Variants in AMPD1 observed in about 807,000 individuals in gnomAD.
AMPD1 encodes the protein AMP deaminase 1.
AMPD1 carries 74 observed loss-of-function variants against 82.9 expected under a neutral mutation model. The observed-to-expected ratio is 0.89, with a 90% confidence interval of 0.74 to 1.08. The LOEUF (loss-of-function observed/expected upper bound fraction) is 1.08. Ranked by LOEUF, AMPD1 falls within the 50% of genes least tolerant of loss-of-function variation. The pLI, the probability that AMPD1 is intolerant of heterozygous loss-of-function variation, is 0.00. For missense variants in AMPD1, 881 were observed against 924.5 expected (o/e 0.95, Z 0.61); for synonymous variants, 333 against 320.5 (o/e 1.04, Z -0.42).
intron 10 of AMPD1, among the ~76,000 whole-genome samples, chr1:114,676,832 C>T (rs116050043): frequency 2.0e-5 from 3 of 152,204 alleles, no homozygotes; most frequent in African/African-American, 7.2e-5. Flanking sequence ...AAAGAGAAGC[C>T]ATCCCTGAAG....
chr1:114,683,000 A>G (rs1455148604), intron 5 of AMPD1: 3 of 277,678 alleles, frequency 1.1e-5, no homozygotes, highest in African/African-American at 4.6e-5. Context: ...TTTAGAAACA[A>G]GTTTTAAAAA....
At chr1:114,676,425 T>A (rs1307143076) in intron 10 of AMPD1, among the ~76,000 whole-genome samples, 2 of 152,236 alleles carry the variant, frequency 1.3e-5, no homozygotes, top group East Asian at 3.8e-4. Flanking sequence ...CAAGCACTCT[T>A]CTAAGTGACC....
At chr1:114,676,597 G>A (rs1162713750) in intron 10 of AMPD1, among the ~76,000 whole-genome samples, 1 of 152,142 alleles carries the variant, frequency 6.6e-6, no homozygotes, top group Non-Finnish European at 1.5e-5. Flanking sequence ...GTATTGCCAG[G>A]ATTCAAGTAT....
intron 5 of AMPD1, chr1:114,683,203 G>T: frequency 2.4e-6 from 1 of 413,156 alleles, no homozygotes; most frequent in Non-Finnish European, 4.7e-6. Context: ...CATCTATCCA[G>T]AAGGCAAGAA....
Position 114,675,593 on chromosome 1 carries a change from G to A in AMPD1, c.1616C>T (p.Pro539Leu). The change falls in exon 12 of 16, where the codon CCA becomes CTA. Residue 539 changes from proline (P) to leucine (L), a missense_variant. Transcript: ENST00000520113. The stretch of plus-strand genomic sequence containing the variant: ...GTAGTAGGCATAGTAAGTGTAAGAT[G>A]GATTCTTTTCCAATGTCCACTCCTG... ...KPQEWTLEKNPSYTYYAYYMY... is the reference protein window; with the variant it reads ...KPQEWTLEKNLSYTYYAYYMY... 6.2e-7 allele frequency: 1 copy of A among 1,614,188 alleles called. No individual in the cohort carries two copies. Among genetic ancestry groups the A allele is most frequent in the East Asian group, 2.2e-5 (1 of 44,888 alleles).
chr1:114,678,933 A>G (rs1013301421), intron 7 of AMPD1, among the ~76,000 whole-genome samples: 2 of 152,216 alleles, frequency 1.3e-5, no homozygotes, highest in Admixed American at 1.3e-4. Flanking sequence ...TGAGGTAGAT[A>G]TTCTTATAAC....
intron 4 of AMPD1, 167 bp from the exon 5 acceptor site, chr1:114,684,531 T>C (rs566436814): frequency 7.1e-6 from 5 of 708,756 alleles, no homozygotes; most frequent in African/African-American, 1.8e-5. Context: ...TGGATCTCCC[T>C]CCCAGAGCAG....
intron 10 of AMPD1, 68 bp from the exon 11 acceptor site, chr1:114,676,071 G>A: frequency 6.4e-7 from 1 of 1,552,356 alleles, no homozygotes; most frequent in Non-Finnish European, 8.9e-7. Context: ...CCAGTATGAG[G>A]GAACCAGAGA....
At chr1:114,680,582 C>T (rs370298655) in intron 5 of AMPD1, 104 bp from the exon 6 acceptor site, 27 of 960,466 alleles carry the variant, frequency 2.8e-5, no homozygotes, top group Middle Eastern at 2.6e-4. Flanking sequence ...GCTTGGAATC[C>T]GGTACTTAAG....
rs1017107552 is a variant in AMPD1, at chr1:114,688,590, C to T, written c.186G>A (p.Glu62=). The T allele has an allele frequency of 1.2e-6, 2 of 1,614,190 alleles. No homozygotes were observed. Among genetic ancestry groups the T allele is most frequent in the Non-Finnish European group, 1.7e-6 (2 of 1,180,042 alleles). Residue 62 remains glutamate, a synonymous_variant, in exon 3 of 16, where the codon GAG becomes GAA. Transcript: ENST00000520113. ...HEMQAHIFHL[E]TLSTSTEARR... is the part of the protein sequence containing the mutation. ...TGGCTTCTGTGGAGGTGGACAGAGT[C>T]TCCAGATGGAATATGTGTGCTTGCA... is the stretch of plus-strand genomic sequence containing the variant.
Position 114,677,990 on chromosome 1 carries a change from C to T in AMPD1, c.1144G>A (p.Val382Ile). ...AGGTCCCGTAGCTCACTTGCTCCTA[C>T]AGGATTATATTTGTCATTGAACTTA... ...FDKFNDKYNP[V>I]GASELRDLYL... The change falls in exon 9 of 16, where the codon GTA (valine) becomes ATA (isoleucine). Residue 382 changes from valine (V) to isoleucine (I), a missense_variant. Coordinates refer to ENST00000520113, the MANE Select transcript of AMPD1 (RefSeq NM_000036.3). 1 of 1,613,966 alleles carries T rather than the reference C, an allele frequency of 6.2e-7. No individual in the cohort carries two copies. Among genetic ancestry groups the T allele is most frequent in the South Asian group, 1.1e-5 (1 of 91,074 alleles).
intron 5 of AMPD1, among the ~76,000 whole-genome samples, chr1:114,682,628 G>C (rs550675442): frequency 6.6e-6 from 1 of 151,542 alleles, no homozygotes; most frequent in East Asian, 1.9e-4. Context: ...GCCCAGGCTG[G>C]AGTGCAGTGG....
chr1:114,689,793 G>A (rs1305320212), intron 2 of AMPD1, among the ~76,000 whole-genome samples: 1 of 152,062 alleles, frequency 6.6e-6, no homozygotes, highest in African/African-American at 2.4e-5. Flanking sequence ...CTCCAGCCTG[G>A]GTGACAGAGC....
At position 114,688,748 on chromosome 1, in the gene AMPD1, G is replaced by A; in HGVS notation, c.35-7C>T. The A allele has an allele frequency of 6.2e-7, 1 of 1,612,724 alleles. No homozygotes were observed. Among genetic ancestry groups the A allele is most frequent in the South Asian group, 1.1e-5 (1 of 91,088 alleles). On this transcript the variant is annotated splice_region_variant and splice_polypyrimidine_tract_variant and intron_variant, in intron 2 of 15. Coordinates refer to ENST00000520113, the MANE Select transcript of AMPD1 (RefSeq NM_000036.3). Reference sequence around the variant, plus strand: ...CGCATTGCATCATCAATTTCTAAAAGAGGTTTTCACATATTAGTGTTCAAG... The same window carrying A: ...CGCATTGCATCATCAATTTCTAAAAAAGGTTTTCACATATTAGTGTTCAAG...
At chr1:114,686,281 CTCTT>C (rs1420468021) in intron 4 of AMPD1, among the ~76,000 whole-genome samples, 1 of 152,120 alleles carries the variant, frequency 6.6e-6, no homozygotes, top group Admixed American at 6.6e-5. Context: ...TCTTCCCTCT[CTCTT>C]TCTCTGGATC....
In AMPD1 at chr1:114,675,106, G is replaced by C. The variant is rs6679869; in HGVS notation, c.1680-234C>G. On this transcript the variant is annotated intron_variant, in intron 12 of 15. Coordinates refer to ENST00000520113, the MANE Select transcript of AMPD1 (RefSeq NM_000036.3). The stretch of plus-strand genomic sequence containing the variant: ...GTGTTGATTGCCTGGATGGAAATAC[G>C]TTCAGTCTCAATAGGAAATTTACCA... Among the ~76,000 whole-genome samples, 19,254 of 152,038 alleles carry C rather than the reference G, an allele frequency of 0.13. 1,304 individuals carry two copies. Among genetic ancestry groups the C allele is most frequent in the African/African-American group, 0.15 (6,049 of 41,456 alleles).
chr1:114,686,383 C>A (rs989627721), intron 4 of AMPD1, among the ~76,000 whole-genome samples: 2 of 152,036 alleles, frequency 1.3e-5, no homozygotes, highest in African/African-American at 4.8e-5. Context: ...AGACTCCGTG[C>A]CTCCCCAGAG....
intron 15 of AMPD1, 34 bp downstream of exon 15, chr1:114,673,605 A>C (rs1257479918): frequency 6.5e-7 from 1 of 1,527,830 alleles, no homozygotes; most frequent in Non-Finnish European, 9.1e-7. Context: ...CAGACCCTAT[A>C]CTCAGAAGGG....
intron 3 of AMPD1, among the ~76,000 whole-genome samples, chr1:114,687,932 T>C (rs1260315398): frequency 1.3e-5 from 2 of 152,170 alleles, no homozygotes; most frequent in East Asian, 3.8e-4. Flanking sequence ...TGTGTGTAAA[T>C]TGAATATGTT....
Sources: gnomAD v4.1 joint callset for allele counts (sites outside exome capture counted in the v4.1 genomes callset) on GRCh38, gnomAD v4.1.1 for gene constraint, MANE v1.5 for transcripts, NCBI Gene and HGNC (gene_info 2026-07-23, HGNC 2026-07-21) for gene names.